MAST4: variants seen among roughly 807,000 people sequenced by gnomAD.
MAST4 encodes the protein microtubule-associated serine/threonine-protein kinase 4.
Under a neutral mutation model 162.7 loss-of-function variants are expected in MAST4, and 89 were observed. The observed-to-expected ratio is 0.55, with a 90% CI of 0.46 to 0.65. MAST4 has a LOEUF of 0.65. Ranked by LOEUF, MAST4 falls within the 30% of genes least tolerant of loss-of-function variation. MAST4 has a pLI of 0.00. For missense variants in MAST4, 3,153 were observed against 3,374.0 expected (o/e 0.93, Z 1.62); for synonymous variants, 1,479 against 1,361.1 (o/e 1.09, Z -1.91).
At chr5:67,081,037 A>T (rs1282354380) in intron 5 of MAST4, among the ~76,000 whole-genome samples, 1 of 130,242 alleles carries the variant, frequency 7.7e-6, no homozygotes, top group Non-Finnish European at 1.6e-5. Flanking sequence ...TATATAATAT[A>T]ATATATAATT....
chr5:66,672,244 G>A (rs1053197323), intron 1 of MAST4, among the ~76,000 whole-genome samples: 4 of 152,084 alleles, frequency 2.6e-5, no homozygotes, highest in South Asian at 2.1e-4. Context: ...TCCTCGCCCC[G>A]AAGAAAAACT....
intron 3 of MAST4, among the ~76,000 whole-genome samples, chr5:66,847,185 G>T (rs1436080840): frequency 6.6e-6 from 1 of 152,230 alleles, no homozygotes; most frequent in Non-Finnish European, 1.5e-5. Flanking sequence ...AAATCGAGGG[G>T]AGCATTTGAT....
At chr5:67,148,876 G>A (rs1054729971) in intron 23 of MAST4, among the ~76,000 whole-genome samples, 2 of 152,182 alleles carry the variant, frequency 1.3e-5, no homozygotes, top group Non-Finnish European at 2.9e-5. Flanking sequence ...TAACAGCACA[G>A]ACGTAAGTCT....
At chr5:66,876,529 G>C (rs945646832) in intron 3 of MAST4, among the ~76,000 whole-genome samples, 1 of 152,144 alleles carries the variant, frequency 6.6e-6, no homozygotes, top group Admixed American at 6.5e-5. Flanking sequence ...GTGTGTACCA[G>C]CTATGAAGCC....
chr5:66,860,094 A>G (rs2149836266), intron 3 of MAST4, among the ~76,000 whole-genome samples: 1 of 152,362 alleles, frequency 6.6e-6, no homozygotes, highest in South Asian at 2.1e-4. Context: ...AGTGAGGAGC[A>G]CAGACCCTGG....
intron 4 of MAST4, among the ~76,000 whole-genome samples, chr5:66,970,188 C>G (rs187877246): frequency 1.9e-3 from 295 of 152,192 alleles, no homozygotes; most frequent in African/African-American, 6.8e-3. Flanking sequence ...TTCCCTCCAC[C>G]CTACCCTTGC....
chr5:66,711,146 A>G (rs537044488), intron 1 of MAST4, among the ~76,000 whole-genome samples: 2 of 152,324 alleles, frequency 1.3e-5, no homozygotes, highest in Admixed American at 1.3e-4. Context: ...CATGAGGATC[A>G]TCCTTGTTGT....
chr5:67,005,117 G>C (rs1228762075), intron 4 of MAST4: 1 of 732,052 alleles, frequency 1.4e-6, no homozygotes, highest in Non-Finnish European at 2.5e-6. Flanking sequence ...CCTGGAGAGG[G>C]AATGCTTTCA....
intron 2 of MAST4, among the ~76,000 whole-genome samples, chr5:66,773,619 A>G (rs955367809): frequency 6.6e-6 from 1 of 152,202 alleles, no homozygotes; most frequent in African/African-American, 2.4e-5. Flanking sequence ...TGATTAGGCT[A>G]TCCTAGGGCT....
chr5:66,961,032 TGA>T (rs1397837319), intron 4 of MAST4, among the ~76,000 whole-genome samples: 1 of 152,202 alleles, frequency 6.6e-6, no homozygotes, highest in African/African-American at 2.4e-5. Flanking sequence ...CTAGGGAGCG[TGA>T]GAGTGGAATA....
chr5:67,088,928 G>T (rs745968265), intron 5 of MAST4, among the ~76,000 whole-genome samples: 7 of 152,130 alleles, frequency 4.6e-5, no homozygotes, highest in Non-Finnish European at 1.0e-4. Context: ...AGTCCTCAAG[G>T]TAACACTAAA....
chr5:67,160,764 C>T (rs990499988), intron 27 of MAST4, among the ~76,000 whole-genome samples, 172 bp downstream of exon 27: 9 of 152,168 alleles, frequency 5.9e-5, no homozygotes, highest in African/African-American at 2.2e-4. Context: ...GCATCAACTT[C>T]CATAGTAAAA....
chr5:66,881,566 G>T (rs1373993238), intron 3 of MAST4, among the ~76,000 whole-genome samples: 1 of 152,174 alleles, frequency 6.6e-6, no homozygotes. Flanking sequence ...TATTTTTAAA[G>T]ACTTTAAAAA....
chr5:66,701,200 G>A (rs1021187856), intron 1 of MAST4, among the ~76,000 whole-genome samples: 7 of 152,242 alleles, frequency 4.6e-5, no homozygotes, highest in Middle Eastern at 6.8e-3. Flanking sequence ...ACCAAAACTT[G>A]GCTGTTTCTC....
At chr5:66,637,437 T>A (rs968562291) in intron 1 of MAST4, among the ~76,000 whole-genome samples, 1 of 152,114 alleles carries the variant, frequency 6.6e-6, no homozygotes, top group African/African-American at 2.4e-5. Context: ...ATATTAGTAT[T>A]TTTCTCATGT....
chr5:66,630,767 G>A (rs1488618113), intron 1 of MAST4, among the ~76,000 whole-genome samples: 1 of 152,074 alleles, frequency 6.6e-6, no homozygotes, highest in Admixed American at 6.6e-5. Context: ...GAGAACATAA[G>A]TACTTAAAAA....
chr5:66,652,002 G>A (rs1280788134), intron 1 of MAST4, among the ~76,000 whole-genome samples: 1 of 152,158 alleles, frequency 6.6e-6, no homozygotes, highest in Non-Finnish European at 1.5e-5. Context: ...GTCATCTGAA[G>A]CAAGTCACTA....
chr5:67,046,598 C>A (rs1466485932), intron 4 of MAST4, among the ~76,000 whole-genome samples: 1 of 152,116 alleles, frequency 6.6e-6, no homozygotes, highest in Admixed American at 6.5e-5. Flanking sequence ...TGGATAGTGC[C>A]TTTTCTAATA....
rs78225385 is a variant in MAST4 at position 66,882,740 on chromosome 5, A to G, written c.643-17211A>G. ...TGTATCTGTGTGTCTTCTCTTGGCC[A>G]TGGGTCATAACAATATCCAAACCTA... On this transcript the variant is annotated intron_variant, in intron 3 of 28. Transcript: ENST00000403625. 7.6e-4 allele frequency among the ~76,000 whole-genome samples: 115 copies of G among 152,248 alleles called. 3 individuals are homozygous for G. In the East Asian group the frequency reaches 0.02, roughly 27 times the overall value.
Sources: gnomAD v4.1 joint callset for allele counts (sites outside exome capture counted in the v4.1 genomes callset) on GRCh38, gnomAD v4.1.1 for gene constraint, MANE v1.5 for transcripts, NCBI Gene and HGNC (gene_info 2026-07-23, HGNC 2026-07-21) for gene names.